Variants in DMD observed in about 807,000 individuals in gnomAD.
DMD encodes mutant dystrophin.
DMD carries 63 observed loss-of-function variants against 330.1 expected under a neutral mutation model. The observed-to-expected ratio is 0.19, with a 90% CI of 0.16 to 0.24. The LOEUF is 0.24. DMD is among the 10% of genes least tolerant of loss of function. The pLI is 1.00. For missense variants in DMD, 3,344 were observed against 2,684.1 expected, an observed-to-expected ratio of 1.25 and a Z score of -5.43; for synonymous variants, 1,223 against 959.8, an observed-to-expected ratio of 1.27 and a Z score of -5.07.
At chrX:32,920,732 A>G (rs1018490856) in intron 2 of DMD, among the ~76,000 whole-genome samples, 1 of 112,441 alleles carries the variant, frequency 8.9e-6, no homozygotes, top group Non-Finnish European at 1.9e-5. Flanking sequence ...TAAACAAGAC[A>G]TGCAAGGAAA....
chrX:31,920,540 C>T (rs2094676327), intron 47 of DMD, among the ~76,000 whole-genome samples: 1 of 112,178 alleles, frequency 8.9e-6, no homozygotes, highest in Admixed American at 9.4e-5. Context: ...AAAGAAAAAA[C>T]ATTTTATATT....
At chrX:32,937,218 G>C (rs759797870) in intron 2 of DMD, among the ~76,000 whole-genome samples, 5 of 110,727 alleles carry the variant, frequency 4.5e-5, no homozygotes, top group African/African-American at 1.6e-4. Flanking sequence ...AAATGCAAGA[G>C]AGAACTGTCC....
intron 60 of DMD, among the ~76,000 whole-genome samples, chrX:31,364,620 T>C (rs915544987): frequency 3.6e-5 from 4 of 112,252 alleles, no homozygotes; most frequent in Non-Finnish European, 7.5e-5. Context: ...TCACAATAAC[T>C]ATTCAGAGCA....
chrX:31,794,284 C>T (rs2091717821), intron 50 of DMD, among the ~76,000 whole-genome samples: 1 of 111,201 alleles, frequency 9.0e-6, no homozygotes, highest in Non-Finnish European at 1.9e-5. Context: ...ACTATTATTG[C>T]GGAGATGCCA....
chrX:32,075,026 G>A lies in DMD; in HGVS notation c.6439-106512C>T, dbSNP rs755625337. ...GAGGTTCGGAACTTCTGCTTTAAGAGGACATTTGAATCGACTGGAGAGGAA... is the reference window on the plus strand; with the variant it reads ...GAGGTTCGGAACTTCTGCTTTAAGAAGACATTTGAATCGACTGGAGAGGAA... On this transcript the variant is annotated intron_variant, in intron 44 of 78. Transcript: ENST00000357033. Among the ~76,000 whole-genome samples, 3 of 111,859 alleles carry A rather than the reference G, an allele frequency of 2.7e-5. No individual in the cohort carries two copies. In the East Asian group the frequency reaches 8.4e-4, roughly 31 times the overall value.
chrX:31,507,142 A>C, intron 56 of DMD, 139 bp downstream of exon 56: 2 of 610,004 alleles, frequency 3.3e-6, no homozygotes, highest in African/African-American at 4.4e-5. Context: ...TGATTCATTT[A>C]TTCAAAATAC....
chrX:32,712,223 A>G (rs915302718), intron 7 of DMD, among the ~76,000 whole-genome samples: 3 of 111,393 alleles, frequency 2.7e-5, no homozygotes, highest in Non-Finnish European at 5.7e-5. Flanking sequence ...TAGTGAGCAA[A>G]AATAAAAACA....
At chrX:32,483,478 A>T (rs529317212) in intron 21 of DMD, among the ~76,000 whole-genome samples, 1 of 108,596 alleles carries the variant, frequency 9.2e-6, no homozygotes, top group South Asian at 4.0e-4. Context: ...GAACATCTTT[A>T]AAGTAAATGA....
intron 17 of DMD, among the ~76,000 whole-genome samples, chrX:32,532,177 T>A (rs761723559): frequency 1.8e-5 from 2 of 111,906 alleles, no homozygotes; most frequent in South Asian, 7.4e-4. Context: ...CCACTTATTT[T>A]TGATGCTGAA....
chrX:31,300,626 T>C (rs2054573006), intron 62 of DMD, among the ~76,000 whole-genome samples: 1 of 111,931 alleles, frequency 8.9e-6, no homozygotes, highest in Admixed American at 9.5e-5. Flanking sequence ...CAAAGTTATA[T>C]AAACAATATC....
At chrX:32,889,950 C>G (rs2085037691) in intron 2 of DMD, among the ~76,000 whole-genome samples, 1 of 111,241 alleles carries the variant, frequency 9.0e-6, no homozygotes, top group Non-Finnish European at 1.9e-5. Flanking sequence ...CATCTCAGTC[C>G]TAAATTGGCT....
intron 13 of DMD, among the ~76,000 whole-genome samples, chrX:32,584,640 T>A (rs73461718): frequency 0.013 from 1,450 of 112,136 alleles, 22 homozygotes; most frequent in African/African-American, 0.044. Flanking sequence ...ACAAATATAG[T>A]ATCCAGTGAA....
chrX:31,649,222 TTGTTTTTCCTGGGAAAAC>T (rs2080293138), intron 54 of DMD, among the ~76,000 whole-genome samples: 1 of 111,741 alleles, frequency 8.9e-6, no homozygotes, highest in Non-Finnish European at 1.9e-5. Context: ...GATAATACTA[TTGTTTTTCCTGGGAAAAC>T]TGATACATAG....
chrX:32,252,881 T>A lies in DMD; in HGVS notation c.6290+34648A>T, dbSNP rs1383158418. 2.1e-4 allele frequency among the ~76,000 whole-genome samples: 16 copies of A among 75,473 alleles called. 1 individual carries two copies. Among genetic ancestry groups the A allele is most frequent in the East Asian group, 1.1e-3 (3 of 2,802 alleles). The allele number at this position is 75,473 out of a possible 115,157, so 65.5% of individuals were successfully genotyped here. The stretch of plus-strand genomic sequence containing the variant: ...ATATAAATATATAAATATATAAAAA[T>A]ATATATAAATATATATAAATATATA... On this transcript the variant is annotated intron_variant, in intron 43 of 78. Coordinates refer to ENST00000357033, the MANE Select transcript of DMD (RefSeq NM_004006.3).
intron 60 of DMD, among the ~76,000 whole-genome samples, chrX:31,397,700 G>A (rs966739381): frequency 8.9e-6 from 1 of 112,485 alleles, no homozygotes; most frequent in East Asian, 2.8e-4. Flanking sequence ...CAGGAGGACC[G>A]TTTAGAATCA....
intron 12 of DMD, among the ~76,000 whole-genome samples, chrX:32,605,816 G>C (rs2056646108): frequency 9.1e-6 from 1 of 110,470 alleles, no homozygotes; most frequent in African/African-American, 3.3e-5. Context: ...CTAATCATCA[G>C]AGAAATGCAA....
chrX:32,132,454 G>T (rs372518773), intron 44 of DMD, among the ~76,000 whole-genome samples: 1 of 111,763 alleles, frequency 8.9e-6, no homozygotes. Flanking sequence ...GCACAAGGAG[G>T]TTAATGATAG....
intron 44 of DMD, among the ~76,000 whole-genome samples, chrX:32,053,361 ATAC>A (rs1569537281): frequency 1.2e-5 from 1 of 83,415 alleles, no homozygotes. Flanking sequence ...ATTCTTTCCT[ATAC>A]TTCTTTTTAT....
chrX:31,807,113 C>T (rs765613391), intron 50 of DMD, among the ~76,000 whole-genome samples: 5 of 111,328 alleles, frequency 4.5e-5, no homozygotes, highest in Non-Finnish European at 9.4e-5. Context: ...CTCTATGTTT[C>T]TGGTTTGTGT....
Sources: gnomAD v4.1 joint callset for allele counts (sites outside exome capture counted in the v4.1 genomes callset) on GRCh38, gnomAD v4.1.1 for gene constraint, MANE v1.5 for transcripts, NCBI Gene and HGNC (gene_info 2026-07-23, HGNC 2026-07-21) for gene names.